Variants in GM2A observed in about 807,000 individuals in gnomAD.
GM2A encodes the protein GM2 ganglioside activator.
In GM2A, 7 loss-of-function variants were observed where a neutral mutation model predicts 12.9. That is an observed-to-expected ratio of 0.54 (90% CI 0.31 to 1.02). GM2A has a LOEUF of 1.02. Among genes scored for constraint, GM2A ranks in the 50% least tolerant of loss-of-function variants. The pLI is 0.05. For synonymous variants in GM2A, 101 were observed against 96.0 expected, an observed-to-expected ratio of 1.05 and a Z score of -0.30; for missense variants, 246 against 241.0, an observed-to-expected ratio of 1.02 and a Z score of -0.14.
At chr5:151,254,537 G>A (rs1444890119) in intron 1 of GM2A, among the ~76,000 whole-genome samples, 1 of 152,152 alleles carries the variant, frequency 6.6e-6, no homozygotes, top group Non-Finnish European at 1.5e-5. Context: ...GAGATTTATT[G>A]CACACCAGGG....
At chr5:151,261,541 C>T (rs1336095882) in intron 2 of GM2A, among the ~76,000 whole-genome samples, 2 of 152,208 alleles carry the variant, frequency 1.3e-5, no homozygotes, top group South Asian at 2.1e-4. Flanking sequence ...CGGGTTCAAG[C>T]GATTCTCCTG....
chr5:151,266,942 C>G, intron 3 of GM2A, 29 bp downstream of exon 3: 1 of 1,551,054 alleles, frequency 6.4e-7, no homozygotes, highest in Non-Finnish European at 8.9e-7. Context: ...GAGAGCGTTA[C>G]CCCTGTGGCT....
In GM2A at chr5:151,254,724, G is replaced by A. The variant is rs182686725; in HGVS notation, c.81+1427G>A. ...AAACATGCCCAGAACATTTACATTA[G>A]CCTACAGTTGGGCAATATCATCTAA... is the stretch of plus-strand genomic sequence containing the variant. On this transcript the variant is annotated intron_variant, in intron 1 of 3. Transcript: ENST00000357164. Among the ~76,000 whole-genome samples, 52 of 152,250 alleles carry A rather than the reference G, an allele frequency of 3.4e-4. No individual in the cohort carries two copies. In the East Asian group the frequency reaches 9.8e-3, roughly 29 times the overall value.
At chr5:151,257,801 T>C (rs1000367099) in intron 1 of GM2A, among the ~76,000 whole-genome samples, 1 of 152,244 alleles carries the variant, frequency 6.6e-6, no homozygotes, top group African/African-American at 2.4e-5. Context: ...TCCCTCGGCC[T>C]GCACTTACAT....
rs1201555190 is a variant in GM2A at position 151,268,224 on chromosome 5, C to T, written c.*773C>T. On this transcript the variant is annotated 3_prime_UTR_variant, in exon 4 of 4. Coordinates refer to ENST00000357164, the MANE Select transcript of GM2A (RefSeq NM_000405.5). ...AGGCTGGAGTGCAGTGGTGCAATCTCACCTCACTGCAACCTCCGCCTCCTG... is the reference window on the plus strand; with the variant it reads ...AGGCTGGAGTGCAGTGGTGCAATCTTACCTCACTGCAACCTCCGCCTCCTG... 2 of 655,524 alleles carry T rather than the reference C, an allele frequency of 3.1e-6. No individual in the cohort carries two copies. Among genetic ancestry groups the T allele is most frequent in the Admixed American group, 1.3e-4 (2 of 15,698 alleles). The allele number at this position is 655,524 out of a possible 1,614,324, so 40.6% of individuals were successfully genotyped here. A position where few individuals can be genotyped will look rare whatever the true frequency, so the allele number is the denominator to read the frequency against.
Sources: allele counts gnomAD v4.1 joint callset (sites outside exome capture counted in the v4.1 genomes callset), GRCh38; gene constraint gnomAD v4.1.1; transcripts MANE v1.5; gene names NCBI Gene and HGNC (gene_info 2026-07-23, HGNC 2026-07-21).